The following IQSEC2 variants were observed in gnomAD, a reference collection of about 807,000 sequenced individuals.
The protein encoded by IQSEC2 is IQ motif and Sec7 domain ArfGEF 2.
Under a neutral mutation model 74.6 loss-of-function variants are expected in IQSEC2, and 6 were observed. The observed-to-expected ratio is 0.08, with a 90% CI of 0.04 to 0.16. The LOEUF (loss-of-function observed/expected upper bound fraction) is 0.16. IQSEC2 is among the 10% of genes least tolerant of loss of function. The pLI is 1.00. For synonymous variants in IQSEC2, 494 were observed against 544.5 expected (o/e 0.91, Z 1.29); for missense variants, 734 against 1,306.2 (o/e 0.56, Z 6.75).
At position 53,321,241 on chromosome X, in the gene IQSEC2, C is replaced by T. The variant is rs2075429877; in HGVS notation, c.-118G>A. 2.4e-6 allele frequency: 1 copy of T among 416,829 alleles called. No individual in the cohort carries two copies. Among genetic ancestry groups the T allele is most frequent in the Non-Finnish European group, 3.9e-6 (1 of 255,450 alleles). 34.4% of individuals were successfully genotyped at this position (416,829 alleles called of 1,213,427 possible). ...GCCGGCGGGACGCGAGGGCGCGCAC[C>T]GGGCTTGAGGGCCCGGGGGCCCTAG... On this transcript the variant is annotated 5_prime_UTR_variant, in exon 1 of 15. Coordinates refer to ENST00000642864, the MANE Select transcript of IQSEC2 (RefSeq NM_001111125.3).
intron 1 of IQSEC2, among the ~76,000 whole-genome samples, chrX:53,314,135 G>A (rs2075345781): frequency 8.9e-6 from 1 of 111,937 alleles, no homozygotes; most frequent in Non-Finnish European, 1.9e-5. Context: ...GGGAGCTACT[G>A]TGCCTACCCC....
At chrX:53,247,873 G>A (rs1295599566) in intron 7 of IQSEC2, among the ~76,000 whole-genome samples, 7 of 112,296 alleles carry the variant, frequency 6.2e-5, no homozygotes, top group African/African-American at 1.6e-4. Context: ...TAAGTGCTCC[G>A]TGAATGTTAG....
chrX:53,264,075 C>T (rs1159690627), intron 2 of IQSEC2, among the ~76,000 whole-genome samples: 2 of 112,495 alleles, frequency 1.8e-5, no homozygotes, highest in Non-Finnish European at 1.9e-5. Context: ...AAGCCACCCA[C>T]ACCCAGCCTT....
At chrX:53,300,545 A>G (rs1316213072) in intron 1 of IQSEC2, among the ~76,000 whole-genome samples, 2 of 111,544 alleles carry the variant, frequency 1.8e-5, no homozygotes, top group Non-Finnish European at 3.8e-5. Context: ...GCTCTGTCTC[A>G]TTCCTGCTTG....
intron 1 of IQSEC2, among the ~76,000 whole-genome samples, chrX:53,308,390 T>A (rs1040403401): frequency 3.6e-5 from 4 of 110,084 alleles, no homozygotes; most frequent in Non-Finnish European, 5.7e-5. Flanking sequence ...TTTAAAACAA[T>A]CCTGGGAGTA....
At chrX:53,314,040 G>A (rs1326338999) in intron 1 of IQSEC2, among the ~76,000 whole-genome samples, 2 of 111,907 alleles carry the variant, frequency 1.8e-5, no homozygotes, top group South Asian at 3.7e-4. Flanking sequence ...TGCCCAGGCT[G>A]GAGTGCAGTG....
At chrX:53,259,502 CTCAA>C (rs1569308766) in intron 2 of IQSEC2, among the ~76,000 whole-genome samples, 1 of 108,521 alleles carries the variant, frequency 9.2e-6, no homozygotes, top group Non-Finnish European at 1.9e-5. Flanking sequence ...GAGACTCCAT[CTCAA>C]AAAAAAAAGT....
intron 2 of IQSEC2, among the ~76,000 whole-genome samples, chrX:53,273,218 C>T (rs2074770430): frequency 9.1e-6 from 1 of 109,959 alleles, no homozygotes; most frequent in South Asian, 3.9e-4. Context: ...AGCACTCTTC[C>T]AAGACTCAGT....
chrX:53,272,481 G>C (rs1556868808), intron 2 of IQSEC2, among the ~76,000 whole-genome samples: 1 of 111,741 alleles, frequency 8.9e-6, no homozygotes, highest in Non-Finnish European at 1.9e-5. Context: ...TAAGGAACTA[G>C]GCTCAGAAAC....
chrX:53,307,885 TAAA>T (rs782356115), intron 1 of IQSEC2, among the ~76,000 whole-genome samples: 1 of 38,129 alleles, frequency 2.6e-5, no homozygotes. Context: ...AGGCCCTGTC[TAAA>T]AAAAAAAAAA....
Position 53,294,824 on chromosome X carries a change from G to GTT in IQSEC2, c.708-2902_708-2901dup, listed in dbSNP as rs782264296. Among the ~76,000 whole-genome samples, 8 of 110,678 alleles carry GTT rather than the reference G, an allele frequency of 7.2e-5. No homozygotes were observed. In the East Asian group the frequency reaches 2.3e-3, roughly 31 times the overall value. On this transcript the variant is annotated intron_variant, in intron 1 of 14. Transcript: ENST00000642864. ...CTTTTATTTATTTATTTATTTATTT[G>GTT]TTTGTTTGTTTATTTAGAGACAGAG...
chrX:53,260,455 G>C (rs2074552506), intron 2 of IQSEC2, among the ~76,000 whole-genome samples: 1 of 111,897 alleles, frequency 8.9e-6, no homozygotes, highest in Non-Finnish European at 1.9e-5. Context: ...CTCTGATTGA[G>C]GTGAGCAGAG....
chrX:53,305,988 C>T (rs185283314), intron 1 of IQSEC2, among the ~76,000 whole-genome samples: 1 of 112,671 alleles, frequency 8.9e-6, no homozygotes, highest in East Asian at 2.8e-4. Context: ...CTGGGTACTA[C>T]AATGACAGAG....
At chrX:53,292,192 G>GA (rs2075107545) in intron 1 of IQSEC2, among the ~76,000 whole-genome samples, 1 of 112,072 alleles carries the variant, frequency 8.9e-6, no homozygotes. Flanking sequence ...TGAGGTCAAA[G>GA]AGGCACCAGG....
At chrX:53,243,615 T>C in intron 8 of IQSEC2, 144 bp from the exon 9 acceptor site, 2 of 877,751 alleles carry the variant, frequency 2.3e-6, no homozygotes, top group South Asian at 7.1e-5. Flanking sequence ...TAGCCAGGAT[T>C]GGGGCAGGGA....
At chrX:53,297,530 T>C (rs2075165705) in intron 1 of IQSEC2, among the ~76,000 whole-genome samples, 1 of 110,524 alleles carries the variant, frequency 9.0e-6, no homozygotes, top group Non-Finnish European at 1.9e-5. Flanking sequence ...TTTCGCCATG[T>C]TGCCCAGACT....
intron 2 of IQSEC2, among the ~76,000 whole-genome samples, chrX:53,264,488 G>A (rs67987193): frequency 0.041 from 3,832 of 93,984 alleles, 226 homozygotes; most frequent in African/African-American, 0.15. Context: ...TCCATTCAGC[G>A]GAAGGGTAGA....
At chrX:53,299,193 T>C (rs2075185717) in intron 1 of IQSEC2, among the ~76,000 whole-genome samples, 1 of 110,633 alleles carries the variant, frequency 9.0e-6, no homozygotes, top group African/African-American at 3.3e-5. Flanking sequence ...ATTACAGGCA[T>C]AGGCCACCAT....
At chrX:53,251,264 A>ACC in intron 4 of IQSEC2, 90 bp from the exon 5 acceptor site, 3 of 982,424 alleles carry the variant, frequency 3.1e-6, no homozygotes, top group Non-Finnish European at 4.2e-6. Flanking sequence ...TGAGGGAGGG[A>ACC]GGTAAGGAAA....
Sources: gnomAD v4.1 joint callset for allele counts (sites outside exome capture counted in the v4.1 genomes callset) on GRCh38, gnomAD v4.1.1 for gene constraint, MANE v1.5 for transcripts, NCBI Gene and HGNC (gene_info 2026-07-23, HGNC 2026-07-21) for gene names.